The following CNTN4 variants were observed in gnomAD, a reference collection of about 807,000 sequenced individuals.
CNTN4 encodes contactin-4.
CNTN4 carries 77 observed loss-of-function variants against 122.5 expected under a neutral mutation model. The observed-to-expected ratio is 0.63, with a 90% confidence interval of 0.52 to 0.76. CNTN4 has a LOEUF of 0.76. Among genes scored for constraint, CNTN4 ranks in the 30% least tolerant of loss-of-function variants. The pLI is 0.00. For missense variants in CNTN4, 1,256 were observed against 1,259.1 expected, an observed-to-expected ratio of 1.00 and a Z score of 0.04; for synonymous variants, 512 against 447.0, an observed-to-expected ratio of 1.15 and a Z score of -1.83.
At chr3:3,054,098 C>A in intron 24 of CNTN4, 123 bp downstream of exon 24, 1 of 1,007,854 alleles carries the variant, frequency 9.9e-7, no homozygotes. Flanking sequence ...ATGGAGAACA[C>A]TACCCCCCTT....
At chr3:2,487,981 T>G (rs2076210256) in intron 3 of CNTN4, among the ~76,000 whole-genome samples, 1 of 152,214 alleles carries the variant, frequency 6.6e-6, no homozygotes, top group South Asian at 2.1e-4. Flanking sequence ...AACCTGTGGC[T>G]GATCAACACA....
chr3:2,163,156 A>G (rs2036038092), intron 2 of CNTN4, among the ~76,000 whole-genome samples: 1 of 152,224 alleles, frequency 6.6e-6, no homozygotes, highest in Non-Finnish European at 1.5e-5. Flanking sequence ...AAAATAGCCA[A>G]GTAAACCAGT....
At chr3:2,839,469 G>A (rs2093304461) in intron 7 of CNTN4, among the ~76,000 whole-genome samples, 1 of 151,642 alleles carries the variant, frequency 6.6e-6, no homozygotes, top group South Asian at 2.1e-4. Context: ...TGCTGTTGGT[G>A]ATTTTTGTAC....
intron 2 of CNTN4, among the ~76,000 whole-genome samples, chr3:2,277,790 T>A (rs759923088): frequency 6.6e-5 from 10 of 152,244 alleles, no homozygotes; most frequent in Non-Finnish European, 1.0e-4. Context: ...ATGGCTCATT[T>A]GTGCTTACTT....
At chr3:2,334,549 G>C (rs1467103868) in intron 2 of CNTN4, among the ~76,000 whole-genome samples, 1 of 120,922 alleles carries the variant, frequency 8.3e-6, no homozygotes, top group Non-Finnish European at 1.8e-5. Flanking sequence ...TATATAACTT[G>C]GTTGAGTTCA....
chr3:2,658,697 C>T (rs1364887952), intron 4 of CNTN4, among the ~76,000 whole-genome samples: 1 of 152,000 alleles, frequency 6.6e-6, no homozygotes, highest in Non-Finnish European at 1.5e-5. Flanking sequence ...TTAATATTAG[C>T]TCATAATCTG....
At chr3:2,837,840 T>C in intron 7 of CNTN4, among the ~76,000 whole-genome samples, 1 of 152,192 alleles carries the variant, frequency 6.6e-6, no homozygotes, top group East Asian at 1.9e-4. Context: ...TGTCATGCTT[T>C]AGTTGGTAGC....
At chr3:2,200,080 A>G (rs1392616376) in intron 2 of CNTN4, among the ~76,000 whole-genome samples, 1 of 152,152 alleles carries the variant, frequency 6.6e-6, no homozygotes, top group Admixed American at 6.6e-5. Context: ...TTTTAAAAAC[A>G]TTACCCCTGC....
chr3:2,840,590 T>C (rs1170867081), intron 7 of CNTN4, among the ~76,000 whole-genome samples: 1 of 89,154 alleles, frequency 1.1e-5, no homozygotes, highest in African/African-American at 3.3e-5. Context: ...TCCCAGCTAC[T>C]CGGGAGGCTG....
chr3:2,146,500 T>C (rs1328567948), intron 2 of CNTN4, among the ~76,000 whole-genome samples: 3 of 152,158 alleles, frequency 2.0e-5, no homozygotes, highest in Non-Finnish European at 4.4e-5. Context: ...TAAACACATA[T>C]ATATGAAATT....
intron 12 of CNTN4, among the ~76,000 whole-genome samples, chr3:2,906,682 A>G (rs1450209027): frequency 6.6e-6 from 1 of 151,562 alleles, no homozygotes; most frequent in Non-Finnish European, 1.5e-5. Context: ...TACTAAAAAT[A>G]TATATATATA....
At chr3:2,778,763 A>G (rs2091449968) in intron 6 of CNTN4, among the ~76,000 whole-genome samples, 1 of 152,168 alleles carries the variant, frequency 6.6e-6, no homozygotes, top group Admixed American at 6.5e-5. Flanking sequence ...AAAACAACAC[A>G]CATAATAATA....
intron 3 of CNTN4, among the ~76,000 whole-genome samples, chr3:2,558,018 A>G (rs1392100554): frequency 6.6e-6 from 1 of 152,206 alleles, no homozygotes; most frequent in South Asian, 2.1e-4. Flanking sequence ...CTGTATGTAC[A>G]TATCTTTCAA....
rs767154723 is a variant in CNTN4, at chr3:3,026,291, G to T, written c.1662+14G>T. 6.2e-7 allele frequency: 1 copy of T among 1,610,310 alleles called. No individual in the cohort carries two copies. Among genetic ancestry groups the T allele is most frequent in the Non-Finnish European group, 8.5e-7 (1 of 1,176,804 alleles). ...AGAGTTGGAGGGGTAAGTATTAATAGCAAAAACTGACTCAAACTAACTTGT... is the reference window on the plus strand; with the variant it reads ...AGAGTTGGAGGGGTAAGTATTAATATCAAAAACTGACTCAAACTAACTTGT... On this transcript the variant is annotated intron_variant, in intron 15 of 24. Coordinates refer to ENST00000418658, the MANE Select transcript of CNTN4 (RefSeq NM_175607.3).
chr3:2,822,237 T>C (rs1453285973), intron 7 of CNTN4, among the ~76,000 whole-genome samples: 1 of 152,232 alleles, frequency 6.6e-6, no homozygotes, highest in Non-Finnish European at 1.5e-5. Flanking sequence ...CTCTGGGATA[T>C]GAGTTTTGAT....
intron 2 of CNTN4, among the ~76,000 whole-genome samples, chr3:2,270,919 G>A (rs1384004237): frequency 1.3e-5 from 2 of 152,056 alleles, no homozygotes; most frequent in Admixed American, 6.6e-5. Context: ...TGCAGGCTGT[G>A]GTCAGTTGGT....
intron 14 of CNTN4, chr3:3,009,036 G>A (rs1209450110): frequency 1.0e-6 from 1 of 985,326 alleles, no homozygotes; most frequent in Non-Finnish European, 1.2e-6. Flanking sequence ...CAAGCCTGGT[G>A]TTATTAGCAC....
intron 4 of CNTN4, among the ~76,000 whole-genome samples, chr3:2,618,242 G>GTTTT (rs140521365): frequency 7.4e-5 from 11 of 148,504 alleles, no homozygotes; most frequent in Middle Eastern, 3.5e-3. Flanking sequence ...ATTAAATGTG[G>GTTTT]GTATATATAT....
At chr3:2,259,793 G>A (rs1287561550) in intron 2 of CNTN4, among the ~76,000 whole-genome samples, 6 of 152,138 alleles carry the variant, frequency 3.9e-5, no homozygotes, top group South Asian at 2.1e-4. Context: ...GGCGGGGGAC[G>A]CAGCCAAATG....
Sources: allele counts gnomAD v4.1 joint callset (sites outside exome capture counted in the v4.1 genomes callset), GRCh38; gene constraint gnomAD v4.1.1; transcripts MANE v1.5; gene names NCBI Gene and HGNC (gene_info 2026-07-23, HGNC 2026-07-21).